Variants in DNAH6 observed in about 807,000 individuals in gnomAD.
DNAH6 encodes the protein dynein axonemal heavy chain 6.
Under a neutral mutation model 491.4 loss-of-function variants are expected in DNAH6, and 340 were observed. The ratio of observed to expected loss-of-function variants is 0.69; its 90% CI spans 0.63 to 0.76. The LOEUF (loss-of-function observed/expected upper bound fraction) is 0.76. Among genes scored for constraint, DNAH6 ranks in the 30% least tolerant of loss-of-function variants. The pLI is 0.00. For missense variants in DNAH6, 4,443 were observed against 4,972.2 expected (o/e 0.89, Z 3.20); for synonymous variants, 1,603 against 1,686.1 (o/e 0.95, Z 1.21).
chr2:84,510,124 C>T, the DNAH6 span, among the ~76,000 whole-genome samples: 1 of 152,122 alleles, frequency 6.6e-6, no homozygotes, highest in African/African-American at 2.4e-5. Context: ...GTTGGCCTGC[C>T]TTGCTAGATT....
Position 84,544,481 on chromosome 2 carries a change from A to G in DNAH6, c.911A>G (p.Asn304Ser), listed in dbSNP as rs770614858. ...GGATGTCAAAAATCTCTACAAAAAA[A>G]TTTGTTCATTGTTAATCCTGTATGT... ...ITGCQKSLQKNLFIVNPHLRP... is the reference protein window; with the variant it reads ...ITGCQKSLQKSLFIVNPHLRP... The change falls in exon 5 of 77, where the codon AAT (asparagine) becomes AGT (serine). Residue 304 changes from asparagine to serine, a missense_variant. By Grantham distance (46) the Asn-to-Ser change is conservative (BLOSUM62 1). This residue lies in a region of DNAH6 where 2,977 missense variants were observed against 3,296.6 expected (regional missense o/e 0.90). Transcript: ENST00000389394. 10 of 1,490,922 alleles carry G rather than the reference A, an allele frequency of 6.7e-6. No individual in the cohort carries two copies. The highest frequency in any genetic ancestry group is 9.2e-6 in the Non-Finnish European group (10 of 1,092,654). 92.4% of individuals were successfully genotyped at this position (1,490,922 alleles called of 1,614,324 possible).
intron 58 of DNAH6, among the ~76,000 whole-genome samples, chr2:84,717,469 C>A (rs1015655130): frequency 6.6e-6 from 1 of 152,172 alleles, no homozygotes; most frequent in African/African-American, 2.4e-5. Context: ...GGTACAAGCC[C>A]AGCTTGGCCT....
Position 84,793,214 on chromosome 2 carries a change from G to A in DNAH6, c.11240-3092G>A, listed in dbSNP as rs538914983. Among the ~76,000 whole-genome samples the A allele has an allele frequency of 2.3e-3, 326 of 142,086 alleles. 2 individuals carry two copies. Among genetic ancestry groups the A allele is most frequent in the Admixed American group, 7.0e-3 (102 of 14,570 alleles). The allele number at this position is 142,086 out of a possible 152,430, so 93.2% of individuals were successfully genotyped here. A position where few individuals can be genotyped will look rare whatever the true frequency, so the allele number is the denominator to read the frequency against. On this transcript the variant is annotated intron_variant, in intron 68 of 76. Transcript: ENST00000389394. ...CACACACACACACGCATGCACACAC[G>A]TACACACACACGGGCGTGCACACAC...
the DNAH6 span, among the ~76,000 whole-genome samples, chr2:84,483,401 T>C: frequency 1.4e-3 from 209 of 152,322 alleles, 2 homozygotes; most frequent in African/African-American, 4.6e-3. Flanking sequence ...TATTTACATA[T>C]GTGCCAGCCA....
intron 64 of DNAH6, among the ~76,000 whole-genome samples, chr2:84,777,043 A>G (rs1460329449): frequency 4.6e-5 from 7 of 152,188 alleles, no homozygotes; most frequent in Non-Finnish European, 7.3e-5. Context: ...GGAATTGAAC[A>G]ATGAGAGCAC....
At chr2:84,569,217 G>T (rs1200938749) in intron 11 of DNAH6, among the ~76,000 whole-genome samples, 2 of 151,962 alleles carry the variant, frequency 1.3e-5, no homozygotes, top group Non-Finnish European at 2.9e-5. Flanking sequence ...GAAGAAGTTG[G>T]TTATTAATTA....
intron 59 of DNAH6, among the ~76,000 whole-genome samples, chr2:84,721,153 T>C (rs1448625494): frequency 1.3e-5 from 2 of 152,224 alleles, no homozygotes; most frequent in Non-Finnish European, 2.9e-5. Context: ...CCACTTTCCT[T>C]CTCTTTAGCC....
At chr2:84,705,082 G>A (rs1288429248) in intron 51 of DNAH6, among the ~76,000 whole-genome samples, 1 of 152,124 alleles carries the variant, frequency 6.6e-6, no homozygotes, top group Admixed American at 6.5e-5. Context: ...CAAAAGTTCA[G>A]AAGAACAAAG....
At chr2:84,631,968 T>C (rs943177751) in intron 29 of DNAH6, among the ~76,000 whole-genome samples, 1 of 152,202 alleles carries the variant, frequency 6.6e-6, no homozygotes. Context: ...AAGAGAAACC[T>C]TGGTTCCCCA....
chr2:84,787,731 A>T (rs1677344833), intron 68 of DNAH6, among the ~76,000 whole-genome samples: 1 of 152,210 alleles, frequency 6.6e-6, no homozygotes, highest in South Asian at 2.1e-4. Context: ...AGAGTCCATG[A>T]TCTTAAATTC....
intron 63 of DNAH6, among the ~76,000 whole-genome samples, chr2:84,750,304 T>C (rs1024136971): frequency 2.0e-5 from 3 of 148,016 alleles, no homozygotes; most frequent in Non-Finnish European, 1.5e-5. Flanking sequence ...CACTTCAGCC[T>C]CCCAAGTAGC....
rs568979214 is a variant in DNAH6 at position 84,579,368 on chromosome 2, A to G, written c.2077-159A>G. On this transcript the variant is annotated intron_variant, in intron 13 of 76. Coordinates refer to ENST00000389394, the MANE Select transcript of DNAH6 (RefSeq NM_001370.2). ...CAAAACCTGGCCTTCCTGTTGGCTC[A>G]TTTAACTAGCAGTGATTTAAAGAGA... Among the ~76,000 whole-genome samples, 11 of 152,354 alleles carry G rather than the reference A, an allele frequency of 7.2e-5. No homozygotes were observed. The South Asian group carries it at 2.3e-3, about 32-fold the overall frequency.
chr2:84,686,367 T>C, intron 43 of DNAH6, 117 bp from the exon 44 acceptor site: 1 of 620,808 alleles, frequency 1.6e-6, no homozygotes, highest in South Asian at 2.1e-5. Context: ...TCAGTTTTTA[T>C]GTATATTAAT....
Position 84,718,345 on chromosome 2 carries a change from G to A in DNAH6, c.9753G>A (p.Leu3251=), listed in dbSNP as rs1192344. The change falls in exon 59 of 77, where the codon CTG becomes CTA. Residue 3251 remains leucine (L), a synonymous_variant. Transcript: ENST00000389394. ...TCTTTACCTCTGAAGGAAATATTCT[G>A]GACAATGAAGAACTTATTGACACAC... The part of the protein sequence containing the change: ...RMLFTSEGNI[L]DNEELIDTLQ... 0.056 allele frequency: 86,951 copies of A among 1,545,136 alleles called. 2,952 individuals are homozygous for A. The highest frequency in any genetic ancestry group is 0.13 in the African/African-American group (9,311 of 72,672).
At chr2:84,795,042 A>G (rs1559049861) in intron 68 of DNAH6, among the ~76,000 whole-genome samples, 1 of 148,742 alleles carries the variant, frequency 6.7e-6, no homozygotes, top group Non-Finnish European at 1.5e-5. Flanking sequence ...CATGGATGAA[A>G]TTGGAAATCA....
the DNAH6 span, among the ~76,000 whole-genome samples, chr2:84,510,144 T>G: frequency 6.6e-6 from 1 of 152,204 alleles, no homozygotes; most frequent in Admixed American, 6.5e-5. Flanking sequence ...TGGGGAAGTT[T>G]TCCTGGATAA....
At position 84,595,780 on chromosome 2, in the gene DNAH6, G is replaced by A; in HGVS notation, c.2859G>A (p.Met953Ile). 1 of 1,545,736 alleles carries A rather than the reference G, an allele frequency of 6.5e-7. No individual in the cohort carries two copies. Among genetic ancestry groups the A allele is most frequent in the Non-Finnish European group, 8.7e-7 (1 of 1,145,302 alleles). Reference protein sequence around the residue: ...VPQLKYKVEKMKEKLPVIIDL... With the variant: ...VPQLKYKVEKIKEKLPVIIDL... Reference sequence around the variant, plus strand: ...AGCTCAAATACAAGGTGGAAAAAATGAAAGAAAAGGTAAGGTTGGTAGAAG... The same window carrying A: ...AGCTCAAATACAAGGTGGAAAAAATAAAAGAAAAGGTAAGGTTGGTAGAAG... Residue 953 changes from methionine to isoleucine, a missense_variant, in exon 18 of 77, where the codon ATG becomes ATA. Physicochemically the swap from Met to Ile is conservative, Grantham distance 10. Coordinates refer to ENST00000389394, the MANE Select transcript of DNAH6 (RefSeq NM_001370.2).
At position 84,653,792 on chromosome 2, in the gene DNAH6, C is replaced by G. The variant is rs1416055647; in HGVS notation, c.5552C>G (p.Thr1851Arg). ...VDALWIENMN[T>R]VLDDNKMLCL... ...GCTCTTTGGATTGAAAACATGAATA[C>G]AGTGCTGGATGATAACAAGATGCTT... is the stretch of plus-strand genomic sequence containing the variant. Residue 1851 changes from threonine to arginine, a missense_variant, in exon 34 of 77, where the codon ACA becomes AGA. By Grantham distance (71) the Thr-to-Arg change is moderately conservative. This residue lies in a region of DNAH6 where 2,977 missense variants were observed against 3,296.6 expected (regional missense o/e 0.90). Coordinates refer to ENST00000389394, the MANE Select transcript of DNAH6 (RefSeq NM_001370.2). The G allele has an allele frequency of 1.3e-6, 2 of 1,551,458 alleles. No individual in the cohort carries two copies. Among genetic ancestry groups the G allele is most frequent in the Admixed American group, 3.9e-5 (2 of 50,968 alleles).
chr2:84,797,781 TTCACCTTGACTTCAAC>T, intron 70 of DNAH6, 123 bp downstream of exon 70: 1 of 923,564 alleles, frequency 1.1e-6, no homozygotes, highest in Non-Finnish European at 1.6e-6. Flanking sequence ...AAATAATTGT[TTCACCTTGACTTCAAC>T]ATTTGGTTCC....
Sources: gnomAD v4.1 joint callset for allele counts (sites outside exome capture counted in the v4.1 genomes callset) on GRCh38, gnomAD v4.1.1 for gene constraint, gnomAD v4.1.1 regional missense constraint, MANE v1.5 for transcripts, NCBI Gene and HGNC (gene_info 2026-07-23, HGNC 2026-07-21) for gene names.